Variants in GEMIN5 observed in about 807,000 individuals in gnomAD.
The protein encoded by GEMIN5 is gem-associated protein 5.
Under a neutral mutation model 176.9 loss-of-function variants are expected in GEMIN5, and 124 were observed. The ratio of observed to expected loss-of-function variants is 0.70; its 90% CI spans 0.61 to 0.81. The LOEUF is 0.81. Ranked by LOEUF, GEMIN5 falls within the 40% of genes least tolerant of loss-of-function variation. The pLI is 0.00. For synonymous variants in GEMIN5, 673 were observed against 665.2 expected, an observed-to-expected ratio of 1.01 and a Z score of -0.18; for missense variants, 1,843 against 1,814.6, an observed-to-expected ratio of 1.02 and a Z score of -0.28.
chr5:154,888,706 T>C (rs552876665), intron 27 of GEMIN5, among the ~76,000 whole-genome samples: 1 of 152,200 alleles, frequency 6.6e-6, no homozygotes, highest in Non-Finnish European at 1.5e-5. Context: ...AGCTATCTAA[T>C]ACATGGCACC....
At chr5:154,923,683 C>A (rs141631321) in intron 9 of GEMIN5, among the ~76,000 whole-genome samples, 3 of 152,350 alleles carry the variant, frequency 2.0e-5, no homozygotes, top group African/African-American at 7.2e-5. Flanking sequence ...AAAAGCAAAA[C>A]CATTCTTAAT....
Position 154,901,340 on chromosome 5 carries a change from T to C in GEMIN5, c.3013A>G (p.Arg1005Gly). 8.7e-6 allele frequency: 14 copies of C among 1,613,214 alleles called. No individual in the cohort carries two copies. The highest frequency in any genetic ancestry group is 1.2e-5 in the Non-Finnish European group (14 of 1,179,336). ...VELLKSNHFY[R>G]EAIAIAKARL... ...TCCCAACTCTAGGACCACACAGACC[T>C]GTAAAAATGGTTTGACTTGAGCAGC... Residue 1005 changes from arginine to glycine, a missense_variant and splice_region_variant, in exon 21 of 28, where the codon AGG becomes GGG. Coordinates refer to ENST00000285873, the MANE Select transcript of GEMIN5 (RefSeq NM_015465.5).
At chr5:154,911,278 T>G (rs188669035) in intron 15 of GEMIN5, among the ~76,000 whole-genome samples, 1 of 151,754 alleles carries the variant, frequency 6.6e-6, no homozygotes, top group African/African-American at 2.4e-5. Context: ...CTTTGGGAGG[T>G]TGATAGGCAG....
intron 24 of GEMIN5, among the ~76,000 whole-genome samples, chr5:154,893,227 C>T (rs998206428): frequency 6.2e-5 from 8 of 128,806 alleles, no homozygotes; most frequent in African/African-American, 1.5e-4. Context: ...CTGAGGCGGG[C>T]GGATCACCCG....
intron 9 of GEMIN5, among the ~76,000 whole-genome samples, chr5:154,922,031 G>C (rs1763933494): frequency 6.6e-6 from 1 of 152,048 alleles, no homozygotes; most frequent in African/African-American, 2.4e-5. Flanking sequence ...GAATTCCAGA[G>C]CCTATGAATA....
Position 154,937,280 on chromosome 5 carries a change from T to C in GEMIN5, c.167-95A>G, listed in dbSNP as rs1012073796. On this transcript the variant is annotated intron_variant, in intron 1 of 27. Transcript: ENST00000285873. ...TTGGATGACAAGTGAGCAGATGCTT[T>C]GGAGTTACTTAACCCATGGTATAAC... 2.0e-5 allele frequency: 20 copies of C among 1,018,464 alleles called. 1 individual carries two copies. The East Asian group carries it at 5.0e-4, about 25-fold the overall frequency. The allele number at this position is 1,018,464 out of a possible 1,614,324, so 63.1% of individuals were successfully genotyped here. A position where few individuals can be genotyped will look rare whatever the true frequency, so the allele number is the denominator to read the frequency against.
chr5:154,894,784 G>A (rs1763313475), intron 24 of GEMIN5, among the ~76,000 whole-genome samples: 1 of 152,126 alleles, frequency 6.6e-6, no homozygotes, highest in Non-Finnish European at 1.5e-5. Context: ...GCAGGTGCCT[G>A]TAATCCCAGC....
At position 154,902,545 on chromosome 5, in the gene GEMIN5, G is replaced by A. The variant is rs1216119815; in HGVS notation, c.2860C>T (p.Pro954Ser). 2 of 1,613,946 alleles carry A rather than the reference G, an allele frequency of 1.2e-6. No individual in the cohort carries two copies. Among genetic ancestry groups the A allele is most frequent in the Admixed American group, 1.7e-5 (1 of 60,000 alleles). Residue 954 changes from proline (P) to serine (S), a missense_variant, in exon 20 of 28, where the codon CCA becomes TCA. By Grantham distance (74) the Pro-to-Ser change is moderately conservative (BLOSUM62 -1). Transcript: ENST00000285873. ...AAACAAACAAAAACCATACCTGCTGGTGCCATAGCCACAAGGTTGTCTGTC... is the reference window on the plus strand; with the variant it reads ...AAACAAACAAAAACCATACCTGCTGATGCCATAGCCACAAGGTTGTCTGTC... ...ELTDNLVAMA[P>S]AAGYHVWLWA...
At chr5:154,929,119 G>A (rs573469135) in intron 5 of GEMIN5, among the ~76,000 whole-genome samples, 1 of 152,290 alleles carries the variant, frequency 6.6e-6, no homozygotes, top group East Asian at 1.9e-4. Flanking sequence ...AGCTACTCGG[G>A]AGGCTGAGGC....
chr5:154,887,694 T>C lies in GEMIN5; in HGVS notation c.*516A>G, dbSNP rs1009757090. 4 of 152,656 alleles carry C rather than the reference T, an allele frequency of 2.6e-5. No individual in the cohort carries two copies. The highest frequency in any genetic ancestry group is 4.4e-5 in the Non-Finnish European group (3 of 68,372). The allele number at this position is 152,656 out of a possible 1,614,324, so 9.5% of individuals were successfully genotyped here. Reference sequence around the variant, plus strand: ...CATGATGGTTAAGGCCTATTTCATATTCAAACTTCAGTCTATGAAAGAGTA... The same window carrying C: ...CATGATGGTTAAGGCCTATTTCATACTCAAACTTCAGTCTATGAAAGAGTA... On this transcript the variant is annotated 3_prime_UTR_variant, in exon 28 of 28. Coordinates refer to ENST00000285873, the MANE Select transcript of GEMIN5 (RefSeq NM_015465.5).
intron 8 of GEMIN5, 84 bp downstream of exon 8, chr5:154,925,778 A>C (rs1764015938): frequency 1.3e-6 from 1 of 746,206 alleles, no homozygotes; most frequent in East Asian, 2.5e-5. Context: ...GATTCTCAAC[A>C]GAGCGCATTT....
chr5:154,911,719 T>C lies in GEMIN5; in HGVS notation c.2167+8A>G. 1 of 1,608,754 alleles carries C rather than the reference T, an allele frequency of 6.2e-7. No homozygotes were observed. Among genetic ancestry groups the C allele is most frequent in the Non-Finnish European group, 8.5e-7 (1 of 1,175,648 alleles). ...AAAGAATTAGATAAGCTCTAGGTTC[T>C]GACTGACCTTGAGGAGGCCGGGAAT... is the stretch of plus-strand genomic sequence containing the variant. On this transcript the variant is annotated splice_region_variant and intron_variant, in intron 15 of 27. Transcript: ENST00000285873.
chr5:154,891,442 C>G lies in GEMIN5; in HGVS notation c.4061G>C (p.Ser1354Thr), dbSNP rs1377067794. 11 of 1,614,154 alleles carry G rather than the reference C, an allele frequency of 6.8e-6. No homozygotes were observed. Among genetic ancestry groups the G allele is most frequent in the Non-Finnish European group, 9.3e-6 (11 of 1,180,008 alleles). The change falls in exon 26 of 28, where the codon AGT becomes ACT. Residue 1354 changes from serine to threonine, a missense_variant. By Grantham distance (58) the Ser-to-Thr change is moderately conservative. Coordinates refer to ENST00000285873, the MANE Select transcript of GEMIN5 (RefSeq NM_015465.5). ...TTCTGAAAAGAGCTCCTTAAAAGTA[C>G]TCAGCATTCGCTCACCTTCTTCTGT... is the stretch of plus-strand genomic sequence containing the variant. ...RLTEEGERML[S>T]TFKELFSEKH...
chr5:154,933,684 ATTTT>A (rs750378123), intron 3 of GEMIN5, among the ~76,000 whole-genome samples: 13 of 150,272 alleles, frequency 8.7e-5, no homozygotes, highest in African/African-American at 2.4e-4. Flanking sequence ...AGCTTTATTT[ATTTT>A]TTTTTTTTAA....
Position 154,888,086 on chromosome 5 carries a change from G to C in GEMIN5, c.*124C>G. On this transcript the variant is annotated 3_prime_UTR_variant, in exon 28 of 28. Transcript: ENST00000285873. ...GTTGATTCAAACTTAATCCTTGTTT[G>C]TATTCTTTTGGATTACTGCAAAAAC... 1 of 885,422 alleles carries C rather than the reference G, an allele frequency of 1.1e-6. No individual in the cohort carries two copies. The highest frequency in any genetic ancestry group is 1.8e-6 in the Non-Finnish European group (1 of 554,912). The allele number at this position is 885,422 out of a possible 1,614,324, so 54.8% of individuals were successfully genotyped here.
At chr5:154,911,603 G>A in intron 15 of GEMIN5, 124 bp downstream of exon 15, 3 of 747,100 alleles carry the variant, frequency 4.0e-6, no homozygotes, top group Admixed American at 5.6e-5. Context: ...TTCTTGCTTA[G>A]GCTCAGACCC....
intron 27 of GEMIN5, 64 bp from the exon 28 acceptor site, chr5:154,888,441 C>T: frequency 7.4e-7 from 1 of 1,351,606 alleles, no homozygotes; most frequent in South Asian, 1.2e-5. Context: ...AACACCTGCA[C>T]AGAAGGCACC....
rs761210874 is a variant in GEMIN5 at position 154,907,549 on chromosome 5, C to T, written c.2395+42G>A. 28 of 1,475,030 alleles carry T rather than the reference C, an allele frequency of 1.9e-5. No homozygotes were observed. In the Admixed American group the frequency reaches 3.4e-4, roughly 18 times the overall value. 91.4% of individuals were successfully genotyped at this position (1,475,030 alleles called of 1,614,324 possible). A position where few individuals can be genotyped will look rare whatever the true frequency, so the allele number is the denominator to read the frequency against. ...AGGACCTAGCTTAGTTTCCCAGACA[C>T]GACCATGAAATCCTAGTGATACACA... On this transcript the variant is annotated intron_variant, in intron 16 of 27. Transcript: ENST00000285873.
intron 5 of GEMIN5, among the ~76,000 whole-genome samples, chr5:154,930,092 C>T (rs562490332): frequency 1.3e-5 from 2 of 152,036 alleles, no homozygotes; most frequent in African/African-American, 4.8e-5. Flanking sequence ...TGACTCATTC[C>T]GATTACCTGC....
Sources: allele counts gnomAD v4.1 joint callset (sites outside exome capture counted in the v4.1 genomes callset), GRCh38; gene constraint gnomAD v4.1.1; transcripts MANE v1.5; gene names NCBI Gene and HGNC (gene_info 2026-07-23, HGNC 2026-07-21).